The following WDR70 variants were observed in gnomAD, a reference collection of about 807,000 sequenced individuals.
WDR70 encodes WD repeat domain 70, also known as WD repeat-containing protein 70.
A neutral mutation model predicts 88.6 loss-of-function variants in WDR70; 53 were observed. The observed-to-expected ratio is 0.60, with a 90% CI of 0.48 to 0.75. The LOEUF (loss-of-function observed/expected upper bound fraction) is 0.75. WDR70 is among the 30% of genes least tolerant of loss of function. The pLI, the probability that WDR70 is intolerant of heterozygous loss-of-function variation, is 0.00. For missense variants in WDR70, 610 were observed against 823.2 expected, an observed-to-expected ratio of 0.74 and a Z score of 3.17; for synonymous variants, 280 against 270.0, an observed-to-expected ratio of 1.04 and a Z score of -0.36.
At chr5:37,660,865 G>T (rs1745682781) in intron 10 of WDR70, among the ~76,000 whole-genome samples, 1 of 151,698 alleles carries the variant, frequency 6.6e-6, no homozygotes, top group Non-Finnish European at 1.5e-5. Context: ...AAAATATTCA[G>T]AAAAAATTAT....
chr5:37,462,463 T>C (rs1483098098), intron 7 of WDR70, among the ~76,000 whole-genome samples: 1 of 152,114 alleles, frequency 6.6e-6, no homozygotes, highest in Admixed American at 6.6e-5. Context: ...CCATGACGCC[T>C]GGCTAATTTT....
chr5:37,437,899 G>A lies in WDR70; in HGVS notation c.493-23G>A, dbSNP rs1750522172. On this transcript the variant is annotated intron_variant, in intron 5 of 17. Coordinates refer to ENST00000265107, the MANE Select transcript of WDR70 (RefSeq NM_018034.4). The stretch of plus-strand genomic sequence containing the variant: ...ACAAATATGTTATTTTACCATTAAT[G>A]TCATGGGGTTTTCTTGTTTCAGAAT... The A allele has an allele frequency of 2.5e-6, 4 of 1,592,710 alleles. No homozygotes were observed. In the African/African-American group the frequency reaches 4.0e-5, roughly 16 times the overall value.
intron 7 of WDR70, among the ~76,000 whole-genome samples, chr5:37,471,176 C>T (rs928746353): frequency 2.6e-5 from 4 of 152,186 alleles, no homozygotes; most frequent in South Asian, 2.1e-4. Context: ...GCCACTGCAC[C>T]AGCCCATTAG....
intron 8 of WDR70, among the ~76,000 whole-genome samples, chr5:37,488,761 C>T (rs556472284): frequency 7.2e-5 from 11 of 152,094 alleles, no homozygotes; most frequent in East Asian, 1.9e-4. Flanking sequence ...TTTTAGACTA[C>T]GATTTCGAAT....
intron 5 of WDR70, among the ~76,000 whole-genome samples, chr5:37,397,531 T>A (rs758300406): frequency 6.6e-6 from 1 of 152,022 alleles, no homozygotes. Context: ...ATGGGTAAAT[T>A]TGGGAGGATT....
intron 10 of WDR70, among the ~76,000 whole-genome samples, chr5:37,654,897 A>G (rs1021656094): frequency 6.6e-6 from 1 of 152,126 alleles, no homozygotes; most frequent in Admixed American, 6.5e-5. Flanking sequence ...TTGACTATTT[A>G]TCCAATTTGC....
At chr5:37,470,023 T>C (rs878976148) in intron 7 of WDR70, among the ~76,000 whole-genome samples, 1 of 152,120 alleles carries the variant, frequency 6.6e-6, no homozygotes, top group South Asian at 2.1e-4. Context: ...TTTTATTGTA[T>C]AAAATTGCCT....
chr5:37,502,077 T>G (rs147554971), intron 8 of WDR70, among the ~76,000 whole-genome samples: 12 of 152,218 alleles, frequency 7.9e-5, no homozygotes, highest in African/African-American at 2.9e-4. Flanking sequence ...ATGGGACATA[T>G]TTACATTTGT....
At chr5:37,390,716 T>C (rs981162894) in intron 3 of WDR70, among the ~76,000 whole-genome samples, 8 of 134,524 alleles carry the variant, frequency 5.9e-5, no homozygotes, top group African/African-American at 2.4e-4. Flanking sequence ...AAAAAAGTGC[T>C]GTTTTTTTTT....
At chr5:37,604,257 A>T (rs1468551149) in intron 9 of WDR70, among the ~76,000 whole-genome samples, 1 of 152,188 alleles carries the variant, frequency 6.6e-6, no homozygotes, top group Admixed American at 6.5e-5. Flanking sequence ...TTATTTTTAA[A>T]ATATATTTTG....
chr5:37,388,055 A>T (rs912463936), intron 3 of WDR70, among the ~76,000 whole-genome samples: 4 of 151,946 alleles, frequency 2.6e-5, no homozygotes, highest in Admixed American at 6.6e-5. Flanking sequence ...AATGGTACAA[A>T]TTTTTTTTAA....
intron 17 of WDR70, among the ~76,000 whole-genome samples, chr5:37,751,840 A>G (rs916373940): frequency 1.3e-5 from 2 of 152,212 alleles, no homozygotes; most frequent in African/African-American, 4.8e-5. Context: ...AAGCACAGAA[A>G]GTCTTTGTGC....
chr5:37,511,240 A>G (rs1740711359), intron 8 of WDR70, among the ~76,000 whole-genome samples: 1 of 152,300 alleles, frequency 6.6e-6, no homozygotes, highest in Admixed American at 6.5e-5. Context: ...GTAGCATTCT[A>G]CTAAAAGGAA....
chr5:37,415,956 G>C (rs180711206), intron 5 of WDR70, among the ~76,000 whole-genome samples: 2 of 151,804 alleles, frequency 1.3e-5, no homozygotes, highest in African/African-American at 2.4e-5. Flanking sequence ...ATGGGCTGGC[G>C]GCCGGGAAGA....
chr5:37,435,507 T>C (rs181010090), intron 5 of WDR70, among the ~76,000 whole-genome samples: 6 of 152,328 alleles, frequency 3.9e-5, no homozygotes, highest in Admixed American at 3.3e-4. Flanking sequence ...GAAAGAGGTA[T>C]GTGCAGCACT....
intron 5 of WDR70, among the ~76,000 whole-genome samples, 172 bp from the exon 6 acceptor site, chr5:37,437,750 T>C (rs1262275560): frequency 1.3e-5 from 2 of 152,156 alleles, no homozygotes; most frequent in Admixed American, 6.6e-5. Context: ...TTGTAGTGTA[T>C]CTAGAAGTGT....
intron 9 of WDR70, among the ~76,000 whole-genome samples, chr5:37,583,497 T>G: frequency 6.6e-6 from 1 of 150,630 alleles, no homozygotes; most frequent in Non-Finnish European, 1.5e-5. Flanking sequence ...GTGTCACAGA[T>G]ATGGGGGGAG....
chr5:37,408,009 T>A (rs1383354037), intron 5 of WDR70, among the ~76,000 whole-genome samples: 1 of 152,068 alleles, frequency 6.6e-6, no homozygotes, highest in African/African-American at 2.4e-5. Flanking sequence ...GTCTTTTCTC[T>A]CCCTCACATT....
At chr5:37,717,872 A>G (rs534466325) in intron 13 of WDR70, among the ~76,000 whole-genome samples, 52 of 152,346 alleles carry the variant, frequency 3.4e-4, no homozygotes, top group African/African-American at 1.2e-3. Flanking sequence ...TAAACAAAAA[A>G]GGCCCACCCA....
Sources: gnomAD v4.1 joint callset for allele counts (sites outside exome capture counted in the v4.1 genomes callset) on GRCh38, gnomAD v4.1.1 for gene constraint, MANE v1.5 for transcripts, NCBI Gene and HGNC (gene_info 2026-07-23, HGNC 2026-07-21) for gene names.